Variants in ZNF679 observed in about 807,000 individuals in gnomAD.
ZNF679 encodes hypothetical protein MGC42415.
Under a neutral mutation model 13.4 loss-of-function variants are expected in ZNF679, and 10 were observed. The ratio of observed to expected loss-of-function variants is 0.75; its 90% CI spans 0.46 to 1.27. ZNF679 has a LOEUF of 1.27. Ranked by LOEUF, ZNF679 falls within the 50% of genes most tolerant of loss-of-function variation. ZNF679 has a pLI of 0.00. For synonymous variants in ZNF679, 179 were observed against 162.5 expected (o/e 1.10, Z -0.77); for missense variants, 525 against 477.8 (o/e 1.10, Z -0.92).
At chr7:64,256,315 C>A (rs1413669352) in intron 2 of ZNF679, among the ~76,000 whole-genome samples, 2 of 152,148 alleles carry the variant, frequency 1.3e-5, no homozygotes, top group Non-Finnish European at 2.9e-5. Context: ...ATCCAATCTA[C>A]CATTGAAGAC....
chr7:64,266,171 G>A lies in ZNF679; in HGVS notation c.538G>A (p.Gly180Arg). 2 of 1,597,946 alleles carry A rather than the reference G, an allele frequency of 1.3e-6. No individual in the cohort carries two copies. The highest frequency in any genetic ancestry group is 1.3e-5 in the African/African-American group (1 of 74,658). Residue 180 changes from glycine (G) to arginine (R), a missense_variant, in exon 5 of 5, where the codon GGA becomes AGA. Transcript: ENST00000421025. Reference sequence around the variant, plus strand: ...CAATAGACATAAGACAAGACATACTGGAAAGAAACATTTCAAATGTAAAAA... The same window carrying A: ...CAATAGACATAAGACAAGACATACTAGAAAGAAACATTTCAAATGTAAAAA... The part of the protein sequence containing the change: ...NSNRHKTRHT[G>R]KKHFKCKKYG...
intron 1 of ZNF679, among the ~76,000 whole-genome samples, chr7:64,241,563 C>T (rs956157162): frequency 2.0e-5 from 3 of 152,148 alleles, no homozygotes; most frequent in South Asian, 2.1e-4. Context: ...ATGCCTCTTG[C>T]GGGCAGGGTT....
intron 1 of ZNF679, among the ~76,000 whole-genome samples, chr7:64,241,572 T>A (rs1000372389): frequency 6.6e-6 from 1 of 152,074 alleles, no homozygotes; most frequent in Non-Finnish European, 1.5e-5. Context: ...GCGGGCAGGG[T>A]TCAGGCAGGA....
intron 1 of ZNF679, among the ~76,000 whole-genome samples, chr7:64,241,234 C>T (rs566761799): frequency 6.6e-6 from 1 of 152,322 alleles, no homozygotes; most frequent in Non-Finnish European, 1.5e-5. Flanking sequence ...TTAGTTTTTG[C>T]CCTAAGACTA....
Position 64,260,242 on chromosome 7 carries a change from G to A in ZNF679, c.61G>A (p.Val21Ile), listed in dbSNP as rs1303445897. The A allele has an allele frequency of 6.2e-7, 1 of 1,608,888 alleles. No homozygotes were observed. The highest frequency in any genetic ancestry group is 8.5e-7 in the Non-Finnish European group (1 of 1,178,760). Reference sequence around the variant, plus strand: ...TCAGGGACTGTTGACATTCAGAGATGTAGTCATAGAATTCTCTCTGGAGGA... The same window carrying A: ...TCAGGGACTGTTGACATTCAGAGATATAGTCATAGAATTCTCTCTGGAGGA... Reference protein sequence around the residue: ...REMGLLTFRDVVIEFSLEEWQ... With the variant: ...REMGLLTFRDIVIEFSLEEWQ... Residue 21 changes from valine to isoleucine, a missense_variant, in exon 3 of 5, where the codon GTA becomes ATA. By Grantham distance (29) the Val-to-Ile change is conservative. Transcript: ENST00000421025.
intron 2 of ZNF679, among the ~76,000 whole-genome samples, chr7:64,251,250 G>A (rs1443799215): frequency 6.6e-6 from 1 of 152,058 alleles, no homozygotes; most frequent in African/African-American, 2.4e-5. Flanking sequence ...TCAGGAGTTA[G>A]AAACCAGCCT....
intron 1 of ZNF679, among the ~76,000 whole-genome samples, chr7:64,233,902 G>A (rs1358158055): frequency 2.0e-5 from 3 of 152,144 alleles, no homozygotes; most frequent in African/African-American, 4.8e-5. Flanking sequence ...AAACAAGAAC[G>A]AAGTAAGCCA....
intron 1 of ZNF679, among the ~76,000 whole-genome samples, chr7:64,245,145 G>A (rs1787850047): frequency 6.6e-6 from 1 of 152,128 alleles, no homozygotes; most frequent in African/African-American, 2.4e-5. Context: ...CCCTGCCCCA[G>A]CCTCCTGAGT....
chr7:64,242,707 A>G (rs1787814228), intron 1 of ZNF679, among the ~76,000 whole-genome samples: 1 of 152,102 alleles, frequency 6.6e-6, no homozygotes, highest in African/African-American at 2.4e-5. Flanking sequence ...GCCCTACTAT[A>G]ACACTCTCTG....
chr7:64,261,376 C>T (rs1788075276), intron 4 of ZNF679, among the ~76,000 whole-genome samples: 1 of 151,876 alleles, frequency 6.6e-6, no homozygotes, highest in South Asian at 2.1e-4. Flanking sequence ...TTACTATAGA[C>T]TTGAAATATA....
intron 1 of ZNF679, among the ~76,000 whole-genome samples, chr7:64,246,359 T>G (rs1365640199): frequency 1.3e-5 from 2 of 152,152 alleles, no homozygotes; most frequent in African/African-American, 4.8e-5. Context: ...CCTTTTGTGA[T>G]TCACTGAAAA....
Position 64,249,383 on chromosome 7 carries a change from A to C in ZNF679, c.39+227A>C, listed in dbSNP as rs997757594. On this transcript the variant is annotated intron_variant, in intron 2 of 4. Coordinates refer to ENST00000421025, the MANE Select transcript of ZNF679 (RefSeq NM_153363.3). ...TTCCTTTGCAGTGGCTTTGCCCTGG[A>C]CTGGAGCCCTCTCTGGGCAGCTCTG... 2.1e-4 allele frequency among the ~76,000 whole-genome samples: 32 copies of C among 152,198 alleles called. 1 individual carries two copies. The highest frequency in any genetic ancestry group is 6.8e-3 in the Middle Eastern group (2 of 294).
chr7:64,265,778 T>A (rs1048004307), intron 4 of ZNF679, 118 bp from the exon 5 acceptor site: 2 of 1,119,740 alleles, frequency 1.8e-6, no homozygotes, highest in African/African-American at 3.2e-5. Context: ...TTATGGCCTG[T>A]GGTAATTTGA....
At chr7:64,247,947 T>C (rs7795087) in intron 1 of ZNF679, among the ~76,000 whole-genome samples, 25,872 of 152,118 alleles carry the variant, frequency 0.17, 2,770 homozygotes, top group Non-Finnish European at 0.23. Context: ...TGCCTCCTTT[T>C]TGAAATCTCA....
chr7:64,244,222 C>T (rs1380919607), intron 1 of ZNF679, among the ~76,000 whole-genome samples: 1 of 152,006 alleles, frequency 6.6e-6, no homozygotes, highest in African/African-American at 2.4e-5. Context: ...TGCACTCCAG[C>T]CTGAGTGACA....
chr7:64,236,152 C>G (rs1286764007), intron 1 of ZNF679, among the ~76,000 whole-genome samples: 1 of 151,834 alleles, frequency 6.6e-6, no homozygotes, highest in Non-Finnish European at 1.5e-5. Context: ...GTAATCCCAG[C>G]TACTCAGGAG....
intron 1 of ZNF679, among the ~76,000 whole-genome samples, chr7:64,245,649 C>A (rs888729706): frequency 4.6e-5 from 7 of 152,150 alleles, no homozygotes; most frequent in Admixed American, 3.3e-4. Flanking sequence ...CCCCTTGTTC[C>A]ATGATCCTGT....
intron 2 of ZNF679, among the ~76,000 whole-genome samples, chr7:64,251,217 A>T (rs1156879568): frequency 6.6e-6 from 1 of 152,122 alleles, no homozygotes; most frequent in East Asian, 1.9e-4. Context: ...ACTTTGGAAG[A>T]CCAAGGTGCA....
intron 1 of ZNF679, among the ~76,000 whole-genome samples, chr7:64,236,155 C>T (rs1787708801): frequency 6.6e-6 from 1 of 151,884 alleles, no homozygotes; most frequent in African/African-American, 2.4e-5. Flanking sequence ...ATCCCAGCTA[C>T]TCAGGAGGCT....
Sources: allele counts gnomAD v4.1 joint callset (sites outside exome capture counted in the v4.1 genomes callset), GRCh38; gene constraint gnomAD v4.1.1; transcripts MANE v1.5; gene names NCBI Gene and HGNC (gene_info 2026-07-23, HGNC 2026-07-21).